WDR19: variants seen among roughly 807,000 people sequenced by gnomAD.
WDR19 encodes the protein WD repeat-containing protein 19.
Under a neutral mutation model 180.0 loss-of-function variants are expected in WDR19, and 121 were observed. That is an observed-to-expected ratio of 0.67 (90% CI 0.58 to 0.78). The LOEUF is 0.78. WDR19 is among the 30% of genes least tolerant of loss of function. The pLI, the probability that WDR19 is intolerant of heterozygous loss-of-function variation, is 0.00. For synonymous variants in WDR19, 497 were observed against 540.7 expected (o/e 0.92, Z 1.12); for missense variants, 1,450 against 1,640.7 (o/e 0.88, Z 2.01).
In WDR19 at chr4:39,224,974, C is replaced by T. The variant is rs1730095925; in HGVS notation, c.1570C>T (p.Pro524Ser). The T allele has an allele frequency of 6.3e-7, 1 of 1,575,336 alleles. No homozygotes were observed. Among genetic ancestry groups the T allele is most frequent in the African/African-American group, 1.4e-5 (1 of 73,978 alleles). ...PVSVKKIFPD[P>S]NGTRLVFIDE... ...CAGTGTGAAAAAGATTTTTCCCGAC[C>T]CAAATGGGACCAGATTAGTTTTCAT... The change falls in exon 15 of 37, where the codon CCA (proline) becomes TCA (serine). Residue 524 changes from proline (P) to serine (S), a missense_variant. By Grantham distance (74) the Pro-to-Ser change is moderately conservative (BLOSUM62 -1). Coordinates refer to ENST00000399820, the MANE Select transcript of WDR19 (RefSeq NM_025132.4).
intron 22 of WDR19, 26 bp from the exon 23 acceptor site, chr4:39,244,444 A>C: frequency 4.3e-6 from 7 of 1,613,872 alleles, no homozygotes; most frequent in Non-Finnish European, 5.9e-6. Context: ...ATAACTTAGT[A>C]TTTTAATAAT....
intron 36 of WDR19, among the ~76,000 whole-genome samples, chr4:39,283,441 G>A (rs745939758): frequency 6.6e-6 from 1 of 151,310 alleles, no homozygotes; most frequent in Non-Finnish European, 1.5e-5. Flanking sequence ...CTACAATTTT[G>A]TTACTTGTTT....
rs1737109694 is a variant in WDR19, at chr4:39,285,519, C to A, written c.*46C>A. On this transcript the variant is annotated 3_prime_UTR_variant, in exon 37 of 37. Transcript: ENST00000399820. ...GCTCCTGAGAAGACAGCATTTTCCA[C>A]AGGAGGCTGTTTCCTCCCCTGGTGG... is the stretch of plus-strand genomic sequence containing the variant. 1 of 152,230 alleles carries A rather than the reference C, an allele frequency of 6.6e-6. No individual in the cohort carries two copies. Among genetic ancestry groups the A allele is most frequent in the African/African-American group, 2.4e-5 (1 of 41,462 alleles). 9.4% of individuals were successfully genotyped at this position (152,230 alleles called of 1,614,324 possible). A position where few individuals can be genotyped will look rare whatever the true frequency, so the allele number is the denominator to read the frequency against.
intron 9 of WDR19, among the ~76,000 whole-genome samples, chr4:39,210,496 A>G (rs1202658941): frequency 1.3e-5 from 2 of 152,148 alleles, no homozygotes; most frequent in Non-Finnish European, 2.9e-5. Context: ...CAGCCTGGGC[A>G]ATATAGCGAG....
intron 27 of WDR19, among the ~76,000 whole-genome samples, chr4:39,256,522 A>AT (rs368727937): frequency 7.8e-4 from 119 of 152,168 alleles, no homozygotes; most frequent in African/African-American, 2.8e-3. Flanking sequence ...AGATCATACG[A>AT]TTTTTTCAAG....
At chr4:39,229,367 G>T (rs1465982207) in intron 17 of WDR19, among the ~76,000 whole-genome samples, 1 of 152,148 alleles carries the variant, frequency 6.6e-6, no homozygotes, top group Admixed American at 6.5e-5. Flanking sequence ...GTGAGGCTCA[G>T]ATAAGATAGT....
At chr4:39,223,313 T>C (rs141001084) in intron 14 of WDR19, among the ~76,000 whole-genome samples, 3 of 152,246 alleles carry the variant, frequency 2.0e-5, no homozygotes, top group African/African-American at 7.2e-5. Flanking sequence ...AGTACAGTCC[T>C]CTTTGTTTTT....
chr4:39,225,709 G>C (rs1164952793), intron 15 of WDR19, among the ~76,000 whole-genome samples: 2 of 152,038 alleles, frequency 1.3e-5, no homozygotes, highest in Non-Finnish European at 1.5e-5. Flanking sequence ...GTCTCACTGT[G>C]TTGTCTCCCC....
At chr4:39,210,818 A>G (rs1318651679) in intron 9 of WDR19, among the ~76,000 whole-genome samples, 1 of 152,224 alleles carries the variant, frequency 6.6e-6, no homozygotes, top group Non-Finnish European at 1.5e-5. Flanking sequence ...AGTTAGGAAT[A>G]GCAGGTAATT....
intron 6 of WDR19, among the ~76,000 whole-genome samples, chr4:39,202,095 C>G (rs1472843683): frequency 1.3e-5 from 2 of 152,144 alleles, no homozygotes; most frequent in African/African-American, 4.8e-5. Flanking sequence ...GTCATTATCT[C>G]TTTGAATATT....
intron 1 of WDR19, 74 bp from the exon 2 acceptor site, chr4:39,185,652 A>G: frequency 1.5e-6 from 2 of 1,368,720 alleles, no homozygotes; most frequent in Non-Finnish European, 2.0e-6. Flanking sequence ...TTTCATGACC[A>G]TGTTTTGATA....
intron 28 of WDR19, among the ~76,000 whole-genome samples, chr4:39,264,995 G>A (rs1734650087): frequency 6.7e-6 from 1 of 149,382 alleles, no homozygotes; most frequent in African/African-American, 2.5e-5. Flanking sequence ...TCGGCTCACT[G>A]CAACCTTTGC....
Position 39,205,562 on chromosome 4 carries a change from G to A in WDR19, c.717-1G>A. Reference sequence around the variant, plus strand: ...CCATATTGTTGCCTTCTTTGCTATAGGTATGGTGATGGCCGCATCATGATT... The same window carrying A: ...CCATATTGTTGCCTTCTTTGCTATAAGTATGGTGATGGCCGCATCATGATT... On this transcript the variant is annotated splice_acceptor_variant, in intron 8 of 36. Transcript: ENST00000399820. LOFTEE classifies it high-confidence loss of function. 1 of 1,611,964 alleles carries A rather than the reference G, an allele frequency of 6.2e-7. No homozygotes were observed. The highest frequency in any genetic ancestry group is 8.5e-7 in the Non-Finnish European group (1 of 1,178,868).
Position 39,244,326 on chromosome 4 carries a change from G to C in WDR19, c.2500G>C (p.Ala834Pro). The C allele has an allele frequency of 6.2e-7, 1 of 1,613,938 alleles. No homozygotes were observed. Among genetic ancestry groups the C allele is most frequent in the Non-Finnish European group, 8.5e-7 (1 of 1,179,862 alleles). The change falls in exon 22 of 37, where the codon GCC (alanine) becomes CCC (proline). Residue 834 changes from alanine (A) to proline (P), a missense_variant. By Grantham distance (27) the Ala-to-Pro change is conservative. Coordinates refer to ENST00000399820, the MANE Select transcript of WDR19 (RefSeq NM_025132.4). Reference protein sequence around the residue: ...MGDIRRGVNQALKHPSRVLKR... With the variant: ...MGDIRRGVNQPLKHPSRVLKR... ...AGACATACGTCGAGGGGTTAACCAA[G>C]CCCTCAAGCATCCCAGCAGGGTCCT...
intron 4 of WDR19, 36 bp from the exon 5 acceptor site, chr4:39,194,508 G>A (rs373259052): frequency 1.0e-5 from 14 of 1,401,966 alleles, no homozygotes; most frequent in South Asian, 3.8e-5. Flanking sequence ...GGTTATGATC[G>A]TGAATTGTTT....
chr4:39,263,984 A>AT (rs1734550778), intron 28 of WDR19, among the ~76,000 whole-genome samples: 1 of 151,802 alleles, frequency 6.6e-6, no homozygotes. Context: ...GAGTAGCCAC[A>AT]TTTTGCATAT....
intron 9 of WDR19, among the ~76,000 whole-genome samples, chr4:39,209,698 C>T (rs1386765288): frequency 1.2e-4 from 16 of 128,490 alleles, no homozygotes; most frequent in African/African-American, 1.7e-4. Context: ...AGTGACAGAG[C>T]GAGACTCTGT....
At chr4:39,235,935 AC>A in intron 20 of WDR19, among the ~76,000 whole-genome samples, 1 of 152,342 alleles carries the variant, frequency 6.6e-6, no homozygotes, top group African/African-American at 2.4e-5. Context: ...ACAATGAAAT[AC>A]CGTCTTATAC....
intron 20 of WDR19, among the ~76,000 whole-genome samples, 178 bp from the exon 21 acceptor site, chr4:39,240,099 C>G (rs1386234075): frequency 1.4e-5 from 2 of 148,098 alleles, no homozygotes; most frequent in East Asian, 4.0e-4. Flanking sequence ...ATCACTTGAG[C>G]CAGTGAGGTC....
Sources: allele counts gnomAD v4.1 joint callset (sites outside exome capture counted in the v4.1 genomes callset), GRCh38; gene constraint gnomAD v4.1.1; transcripts MANE v1.5; gene names NCBI Gene and HGNC (gene_info 2026-07-23, HGNC 2026-07-21).